KCNT2: variants seen among roughly 807,000 people sequenced by gnomAD.
KCNT2 encodes potassium sodium-activated channel subfamily T member 2.
A neutral mutation model predicts 153.8 loss-of-function variants in KCNT2; 67 were observed. The observed-to-expected ratio is 0.44, with a 90% CI of 0.36 to 0.53. The LOEUF is 0.53. Among genes scored for constraint, KCNT2 ranks in the 20% least tolerant of loss-of-function variants. The pLI, the probability that KCNT2 is intolerant of heterozygous loss-of-function variation, is 0.00. For missense variants in KCNT2, 975 were observed against 1,354.8 expected (o/e 0.72, Z 4.40); for synonymous variants, 500 against 458.8 (o/e 1.09, Z -1.15).
intron 1 of KCNT2, among the ~76,000 whole-genome samples, chr1:196,501,783 A>G (rs912473108): frequency 9.9e-5 from 15 of 152,182 alleles, no homozygotes; most frequent in Non-Finnish European, 2.1e-4. Flanking sequence ...AAGGCTTGTA[A>G]AAAATAAACA....
chr1:196,539,758 T>G (rs1656088105), intron 1 of KCNT2, among the ~76,000 whole-genome samples: 1 of 151,926 alleles, frequency 6.6e-6, no homozygotes, highest in Non-Finnish European at 1.5e-5. Flanking sequence ...TTTTCTCTGA[T>G]GTCTAAAGGT....
chr1:196,346,724 G>A (rs1023576607), intron 14 of KCNT2, among the ~76,000 whole-genome samples: 2 of 152,078 alleles, frequency 1.3e-5, no homozygotes, highest in African/African-American at 4.8e-5. Flanking sequence ...AAATTTGGAT[G>A]AAATTGACAT....
At chr1:196,551,633 G>T (rs1022497133) in intron 1 of KCNT2, among the ~76,000 whole-genome samples, 2 of 151,574 alleles carry the variant, frequency 1.3e-5, no homozygotes, top group African/African-American at 4.8e-5. Flanking sequence ...CACTTGCAGT[G>T]GGGGGTCAGT....
chr1:196,240,583 C>T lies in KCNT2; in HGVS notation c.3212-4513G>A, dbSNP rs190010783. On this transcript the variant is annotated intron_variant, in intron 26 of 27. Transcript: ENST00000294725. ...TGTGGGCATGCATAAATAGAGAAAG[C>T]GTGTTTTGAACAGATAGAAGGGCAA... is the stretch of plus-strand genomic sequence containing the variant. Among the ~76,000 whole-genome samples, 121 of 151,978 alleles carry T rather than the reference C, an allele frequency of 8.0e-4. 2 individuals are homozygous for T. The highest frequency in any genetic ancestry group is 4.2e-4 in the South Asian group (2 of 4,816).
At chr1:196,310,231 A>T (rs1662031891) in intron 21 of KCNT2, among the ~76,000 whole-genome samples, 1 of 151,898 alleles carries the variant, frequency 6.6e-6, no homozygotes, top group African/African-American at 2.4e-5. Flanking sequence ...GCTGGAAATA[A>T]TGTTTTTAAT....
intron 1 of KCNT2, among the ~76,000 whole-genome samples, chr1:196,510,406 C>A (rs1430684698): frequency 6.6e-6 from 1 of 151,994 alleles, no homozygotes; most frequent in East Asian, 1.9e-4. Context: ...GCAGTCTAAG[C>A]CTGGAGCCCA....
At chr1:196,545,194 G>A (rs773742272) in intron 1 of KCNT2, among the ~76,000 whole-genome samples, 2 of 151,916 alleles carry the variant, frequency 1.3e-5, no homozygotes, top group East Asian at 3.9e-4. Flanking sequence ...TTTCCCCACA[G>A]GTCTAATCCC....
At chr1:196,391,060 C>T (rs1430040939) in intron 13 of KCNT2, among the ~76,000 whole-genome samples, 1 of 151,102 alleles carries the variant, frequency 6.6e-6, no homozygotes, top group South Asian at 2.1e-4. Context: ...TAGAGCATAA[C>T]TGGAATAATT....
At chr1:196,604,006 TGGA>T (rs1373438448) in intron 1 of KCNT2, among the ~76,000 whole-genome samples, 1 of 152,192 alleles carries the variant, frequency 6.6e-6, no homozygotes. Flanking sequence ...AAAACAGGCT[TGGA>T]GCAGTGGCTC....
chr1:196,434,096 T>A (rs1219635027), intron 8 of KCNT2, among the ~76,000 whole-genome samples: 1 of 152,092 alleles, frequency 6.6e-6, no homozygotes, highest in Admixed American at 6.6e-5. Flanking sequence ...CATAACAGTT[T>A]ATTGGCTCAG....
intron 8 of KCNT2, among the ~76,000 whole-genome samples, chr1:196,461,133 TG>T (rs1391060192): frequency 1.3e-5 from 2 of 151,794 alleles, no homozygotes; most frequent in African/African-American, 4.8e-5. Flanking sequence ...ATCTTCTCAC[TG>T]TCCACTTCCC....
At chr1:196,513,798 C>A (rs947374506) in intron 1 of KCNT2, among the ~76,000 whole-genome samples, 1 of 152,056 alleles carries the variant, frequency 6.6e-6, no homozygotes, top group Non-Finnish European at 1.5e-5. Context: ...TCCAAATGGA[C>A]CTTAGAGACC....
At chr1:196,463,146 C>G (rs1032568821) in intron 8 of KCNT2, among the ~76,000 whole-genome samples, 2 of 151,706 alleles carry the variant, frequency 1.3e-5, no homozygotes, top group African/African-American at 4.8e-5. Flanking sequence ...GACAGACTAC[C>G]TAGACATTTC....
intron 12 of KCNT2, among the ~76,000 whole-genome samples, chr1:196,416,921 C>A (rs1352010365): frequency 2.0e-5 from 3 of 151,950 alleles, no homozygotes; most frequent in Admixed American, 6.6e-5. Context: ...CGTCACCACT[C>A]CCCCACTACC....
intron 26 of KCNT2, among the ~76,000 whole-genome samples, chr1:196,253,480 C>G (rs1366901050): frequency 2.0e-5 from 3 of 151,476 alleles, no homozygotes; most frequent in African/African-American, 7.3e-5. Context: ...TATATTATAA[C>G]TATTTTAAGA....
chr1:196,480,979 CAATT>C (rs1261887811), intron 4 of KCNT2, among the ~76,000 whole-genome samples: 1 of 137,924 alleles, frequency 7.3e-6, no homozygotes, highest in Non-Finnish European at 1.5e-5. Flanking sequence ...ATTCATAAAA[CAATT>C]TATTTTAAAT....
At chr1:196,485,635 C>G (rs546261698) in intron 3 of KCNT2, among the ~76,000 whole-genome samples, 1 of 151,142 alleles carries the variant, frequency 6.6e-6, no homozygotes, top group African/African-American at 2.4e-5. Context: ...GCTTCAGAAT[C>G]CATAAAAAAA....
Position 196,353,436 on chromosome 1 carries a change from A to C in KCNT2, c.1404-11208T>G, listed in dbSNP as rs183439802. Among the ~76,000 whole-genome samples, 3 of 152,022 alleles carry C rather than the reference A, an allele frequency of 2.0e-5. No individual in the cohort carries two copies. The Admixed American group carries it at 2.0e-4, about 10-fold the overall frequency. ...GAATCATTTTTGTCCTCAGTTTTGG[A>C]TTATAATCACCAAACCTGGGGCAAC... On this transcript the variant is annotated intron_variant, in intron 14 of 27. Coordinates refer to ENST00000294725, the MANE Select transcript of KCNT2 (RefSeq NM_198503.5).
rs1679079518 is a variant in KCNT2, at chr1:196,482,326, A to G, written c.324+5T>C. On this transcript the variant is annotated splice_donor_5th_base_variant and intron_variant, in intron 4 of 27. Transcript: ENST00000294725. ...ATATAGGGATAAAACAAAATTGTAC[A>G]TAACCTGTAAGCCCCACAAAGGTAG... 1 of 1,568,670 alleles carries G rather than the reference A, an allele frequency of 6.4e-7. No homozygotes were observed. Among genetic ancestry groups the G allele is most frequent in the South Asian group, 1.2e-5 (1 of 85,722 alleles).
Sources: allele counts gnomAD v4.1 joint callset (sites outside exome capture counted in the v4.1 genomes callset), GRCh38; gene constraint gnomAD v4.1.1; transcripts MANE v1.5; gene names NCBI Gene and HGNC (gene_info 2026-07-23, HGNC 2026-07-21).